Variants in EARS2 observed in about 807,000 individuals in gnomAD.
EARS2 encodes the protein glutamyl-tRNA synthetase 2, mitochondrial, also known as nondiscriminating glutamyl-tRNA synthetase EARS2, mitochondrial.
EARS2 carries 50 observed loss-of-function variants against 54.1 expected under a neutral mutation model. The observed-to-expected ratio is 0.92, with a 90% CI of 0.74 to 1.17. The LOEUF is 1.17. Among genes scored for constraint, EARS2 ranks in the 50% most tolerant of loss-of-function variants. The probability of loss-of-function intolerance (pLI) is 0.00; values close to 1 mark genes in which losing one functional copy is unlikely to be tolerated. For synonymous variants in EARS2, 298 were observed against 281.0 expected, an observed-to-expected ratio of 1.06 and a Z score of -0.61; for missense variants, 673 against 675.0, an observed-to-expected ratio of 1.00 and a Z score of 0.03.
intron 2 of EARS2, among the ~76,000 whole-genome samples, chr16:23,546,179 C>A (rs1374385346): frequency 6.6e-6 from 1 of 152,108 alleles, no homozygotes; most frequent in African/African-American, 2.4e-5. Context: ...AACCCCAAAC[C>A]CAAAGTCCAA....
intron 7 of EARS2, among the ~76,000 whole-genome samples, chr16:23,525,985 G>A (rs1236397761): frequency 5.9e-5 from 7 of 118,222 alleles, no homozygotes; most frequent in African/African-American, 1.6e-4. Flanking sequence ...GTGACAGAGC[G>A]AGACTTTGTT....
At chr16:23,532,992 A>T (rs888655018) in intron 4 of EARS2, among the ~76,000 whole-genome samples, 3 of 152,000 alleles carry the variant, frequency 2.0e-5, no homozygotes, top group Non-Finnish European at 4.4e-5. Flanking sequence ...CTAATTTTTA[A>T]ATTTTTCTGT....
intron 3 of EARS2, among the ~76,000 whole-genome samples, chr16:23,538,734 A>G (rs1965465025): frequency 6.6e-6 from 1 of 151,876 alleles, no homozygotes; most frequent in Non-Finnish European, 1.5e-5. Context: ...TGGTGGGTAC[A>G]TGTGTGTAGT....
chr16:23,527,743 C>T lies in EARS2; in HGVS notation c.1352+1759G>A, dbSNP rs144422761. ...TAAATTTTTGTATTTTTAGTAGAGACGGGGTTTCACCGTGTTAGCCAGGAT... is the reference window on the plus strand; with the variant it reads ...TAAATTTTTGTATTTTTAGTAGAGATGGGGTTTCACCGTGTTAGCCAGGAT... On this transcript the variant is annotated intron_variant, in intron 7 of 8. Transcript: ENST00000449606. Among the ~76,000 whole-genome samples the T allele has an allele frequency of 9.0e-3, 1,373 of 152,056 alleles. 12 individuals are homozygous for T. Among genetic ancestry groups the T allele is most frequent in the Non-Finnish European group, 0.013 (868 of 67,970 alleles).
chr16:23,552,367 A>T, intron 1 of EARS2, 63 bp from the exon 2 acceptor site: 1 of 1,535,144 alleles, frequency 6.5e-7, no homozygotes, highest in Non-Finnish European at 9.0e-7. Context: ...AGCAAGGGGC[A>T]AGTAAGCACT....
At chr16:23,531,514 G>A (rs1965326707) in intron 5 of EARS2, among the ~76,000 whole-genome samples, 1 of 152,056 alleles carries the variant, frequency 6.6e-6, no homozygotes. Context: ...GCCTGCCTCG[G>A]CCTCCTAAAG....
In EARS2 at chr16:23,535,224, G is replaced by A. The variant is rs1475335570; in HGVS notation, c.622C>T (p.His208Tyr). The A allele has an allele frequency of 1.9e-6, 3 of 1,613,434 alleles. No homozygotes were observed. The highest frequency in any genetic ancestry group is 1.7e-5 in the Admixed American group (1 of 60,024). The stretch of plus-strand genomic sequence containing the variant: ...TCTCCCTCCACGCTGGCCACTTCAT[G>A]CCTATTCCAGCCATAGACCAGGTCC... ...FQDLVYGWNRHEVASVEGDPV... is the reference protein window; with the variant it reads ...FQDLVYGWNRYEVASVEGDPV... Residue 208 changes from histidine to tyrosine, a missense_variant, in exon 4 of 9, where the codon CAT becomes TAT. By Grantham distance (83) the His-to-Tyr change is moderately conservative (BLOSUM62 2). Around this residue, in one of 3 missense-constraint regions of EARS2, gnomAD observed 19 missense variants for 38.7 expected, o/e 0.49. Coordinates refer to ENST00000449606, the MANE Select transcript of EARS2 (RefSeq NM_001083614.2).
At chr16:23,549,399 A>G (rs980307485) in intron 2 of EARS2, among the ~76,000 whole-genome samples, 1 of 152,154 alleles carries the variant, frequency 6.6e-6, no homozygotes, top group African/African-American at 2.4e-5. Flanking sequence ...AGTGGGCATG[A>G]GCCAAGTGCA....
At chr16:23,525,185 A>G in intron 8 of EARS2, 59 bp downstream of exon 8, 1 of 1,612,946 alleles carries the variant, frequency 6.2e-7, no homozygotes, top group Non-Finnish European at 8.5e-7. Flanking sequence ...CAGGAAATGT[A>G]AGTTCAAAGG....
intron 5 of EARS2, 23 bp downstream of exon 5, chr16:23,532,630 CAGGG>C: frequency 6.4e-7 from 1 of 1,562,230 alleles, no homozygotes; most frequent in Non-Finnish European, 8.8e-7. Context: ...CCTTTGCCAC[CAGGG>C]GATCTCCATG....
intron 2 of EARS2, among the ~76,000 whole-genome samples, chr16:23,549,558 G>T (rs997312380): frequency 6.6e-6 from 1 of 152,194 alleles, no homozygotes; most frequent in Non-Finnish European, 1.5e-5. Flanking sequence ...AACTTCCCCA[G>T]GCTCAGGTGA....
chr16:23,552,279 G>A lies in EARS2; in HGVS notation c.165C>T (p.Arg55=), dbSNP rs775681358. ...PTGFLHLGGL[R]TALYNYIFAK... is the part of the protein sequence containing the mutation. ...CAAAGATGTAGTTGTACAAGGCAGTGCGGAGGCCACCCAGGTGCAAGAAGC... is the reference window on the plus strand; with the variant it reads ...CAAAGATGTAGTTGTACAAGGCAGTACGGAGGCCACCCAGGTGCAAGAAGC... The change falls in exon 2 of 9, where the codon CGC becomes CGT. Residue 55 remains arginine (R), a synonymous_variant. Coordinates refer to ENST00000449606, the MANE Select transcript of EARS2 (RefSeq NM_001083614.2). The A allele has an allele frequency of 5.6e-6, 9 of 1,614,208 alleles. No individual in the cohort carries two copies. The highest frequency in any genetic ancestry group is 5.9e-6 in the Non-Finnish European group (7 of 1,180,020).
Position 23,529,888 on chromosome 16 carries a change from G to C in EARS2, c.1077C>G (p.Leu359=). ...EKLPEFNRLH[L]QRLVSNESQR... ...GGCTCTCATTGCTCACCAGCCGCTG[G>C]AGGTGCAGTCTGCGGAAGAAATCAA... Residue 359 remains leucine, a synonymous_variant, in exon 6 of 9, where the codon CTC becomes CTG. Coordinates refer to ENST00000449606, the MANE Select transcript of EARS2 (RefSeq NM_001083614.2). 1.2e-6 allele frequency: 2 copies of C among 1,614,090 alleles called. No homozygotes were observed. Among genetic ancestry groups the C allele is most frequent in the Non-Finnish European group, 1.7e-6 (2 of 1,180,036 alleles).
rs1036338305 is a variant in EARS2 at position 23,529,760 on chromosome 16, A to G, written c.1205T>C (p.Ile402Thr). 1 of 1,614,026 alleles carries G rather than the reference A, an allele frequency of 6.2e-7. No individual in the cohort carries two copies. The highest frequency in any genetic ancestry group is 8.5e-7 in the Non-Finnish European group (1 of 1,180,028). ...DVLNPVYVER[I>T]LLLRQGHICR... ...ACACCACACCTGTCTCAGCAGGAGG[A>G]TCCTCTCCACGTAGACTGGGTTGAG... is the stretch of plus-strand genomic sequence containing the variant. The change falls in exon 6 of 9, where the codon ATC (isoleucine) becomes ACC (threonine). Residue 402 changes from isoleucine to threonine, a missense_variant. Transcript: ENST00000449606.
Position 23,549,336 on chromosome 16 carries a change from A to G in EARS2, c.295+2813T>C, listed in dbSNP as rs1244389703. Among the ~76,000 whole-genome samples, 3 of 152,302 alleles carry G rather than the reference A, an allele frequency of 2.0e-5. No individual in the cohort carries two copies. The East Asian group carries it at 5.8e-4, about 29-fold the overall frequency. ...ACCCAACACAGAAGCCACTCGTGGC[A>G]CACCCAGTCCAGCCATGGGCTGAGT... On this transcript the variant is annotated intron_variant, in intron 2 of 8. Transcript: ENST00000449606.
chr16:23,550,435 C>CT (rs34422725), intron 2 of EARS2, among the ~76,000 whole-genome samples: 82,395 of 100,668 alleles, frequency 0.82, 35,015 homozygotes, highest in Middle Eastern at 0.87. Context: ...AGCACATGGT[C>CT]TTTTTTTTTT....
intron 2 of EARS2, among the ~76,000 whole-genome samples, chr16:23,551,534 G>A (rs1206208341): frequency 2.0e-5 from 3 of 152,124 alleles, no homozygotes; most frequent in African/African-American, 7.2e-5. Flanking sequence ...AGGATCACTT[G>A]AGCCCAGGTC....
Position 23,545,827 on chromosome 16 carries a change from C to T in EARS2, c.296-1124G>A, listed in dbSNP as rs1965594806. 3.9e-5 allele frequency among the ~76,000 whole-genome samples: 6 copies of T among 152,136 alleles called. No individual in the cohort carries two copies. In the South Asian group the frequency reaches 1.2e-3, roughly 31 times the overall value. ...TACAGGTGCACATCACCACATCTGG[C>T]TATTTTTTTAGTAGAGAGCGAGTCT... On this transcript the variant is annotated intron_variant, in intron 2 of 8. Transcript: ENST00000449606.
At chr16:23,554,388 C>T (rs1269299491) in intron 1 of EARS2, among the ~76,000 whole-genome samples, 2 of 152,170 alleles carry the variant, frequency 1.3e-5, no homozygotes, top group African/African-American at 2.4e-5. Flanking sequence ...CTGTATTTCT[C>T]TTCATCAGTT....
Sources: gnomAD v4.1 joint callset for allele counts (sites outside exome capture counted in the v4.1 genomes callset) on GRCh38, gnomAD v4.1.1 for gene constraint, gnomAD v4.1.1 regional missense constraint, MANE v1.5 for transcripts, NCBI Gene and HGNC (gene_info 2026-07-23, HGNC 2026-07-21) for gene names.